The following KHDRBS2 variants were observed in gnomAD, a reference collection of about 807,000 sequenced individuals.
The protein encoded by KHDRBS2 is KH RNA binding domain containing, signal transduction associated 2.
In KHDRBS2, 26 loss-of-function variants were observed where a neutral mutation model predicts 44.3. The observed-to-expected ratio is 0.59, with a 90% CI of 0.43 to 0.81. The LOEUF (loss-of-function observed/expected upper bound fraction) is 0.81. Among genes scored for constraint, KHDRBS2 ranks in the 40% least tolerant of loss-of-function variants. The pLI is 0.00. For synonymous variants in KHDRBS2, 194 were observed against 151.1 expected, an observed-to-expected ratio of 1.28 and a Z score of -2.08; for missense variants, 476 against 433.1, an observed-to-expected ratio of 1.10 and a Z score of -0.88.
chr6:61,942,189 C>T (rs896132257), intron 4 of KHDRBS2, among the ~76,000 whole-genome samples: 1 of 151,978 alleles, frequency 6.6e-6, no homozygotes, highest in African/African-American at 2.4e-5. Flanking sequence ...GAACTCTTGG[C>T]CTCAAGTGAT....
chr6:62,037,963 G>A (rs963366159), intron 3 of KHDRBS2, among the ~76,000 whole-genome samples: 1 of 151,956 alleles, frequency 6.6e-6, no homozygotes, highest in African/African-American at 2.4e-5. Flanking sequence ...GGGTGTTAGT[G>A]ATTTCTAATA....
chr6:62,262,321 G>GC (rs893705921), intron 1 of KHDRBS2, among the ~76,000 whole-genome samples: 94 of 151,846 alleles, frequency 6.2e-4, no homozygotes, highest in African/African-American at 2.2e-3. Flanking sequence ...CAGGAATCGT[G>GC]CATTTCCAGC....
the KHDRBS2 span, among the ~76,000 whole-genome samples, chr6:61,545,181 C>T: frequency 1.3e-5 from 2 of 151,956 alleles, no homozygotes; most frequent in Non-Finnish European, 1.5e-5. Flanking sequence ...CATGGTGGTT[C>T]ATGCCTGTAA....
chr6:62,272,492 A>G lies in KHDRBS2; in HGVS notation c.91+13366T>C, dbSNP rs139456459. ...CCTCAGTAAGAGAAATGCTCACATT[A>G]CAAGAATCAGTAAGGATCCAACAGC... is the stretch of plus-strand genomic sequence containing the variant. On this transcript the variant is annotated intron_variant, in intron 1 of 8. Coordinates refer to ENST00000281156, the MANE Select transcript of KHDRBS2 (RefSeq NM_152688.4). Among the ~76,000 whole-genome samples the G allele has an allele frequency of 3.0e-3, 462 of 152,330 alleles. 3 individuals carry two copies. Among genetic ancestry groups the G allele is most frequent in the Non-Finnish European group, 4.7e-3 (320 of 68,020 alleles).
At chr6:61,656,876 C>A in the KHDRBS2 span, among the ~76,000 whole-genome samples, 5 of 151,916 alleles carry the variant, frequency 3.3e-5, no homozygotes, top group Non-Finnish European at 7.4e-5. Flanking sequence ...TGTTTTATGC[C>A]ACCCAATATG....
chr6:61,608,777 T>C, the KHDRBS2 span, among the ~76,000 whole-genome samples: 6 of 152,322 alleles, frequency 3.9e-5, no homozygotes, highest in South Asian at 8.3e-4. Flanking sequence ...CTCATCCTTA[T>C]TTATGGCTGC....
At chr6:62,076,949 G>A (rs970427242) in intron 2 of KHDRBS2, among the ~76,000 whole-genome samples, 2 of 151,856 alleles carry the variant, frequency 1.3e-5, no homozygotes, top group African/African-American at 2.4e-5. Flanking sequence ...AGGAGGCTGC[G>A]GTGGGAGAAT....
chr6:61,652,995 A>G, the KHDRBS2 span, among the ~76,000 whole-genome samples: 1 of 152,106 alleles, frequency 6.6e-6, no homozygotes, highest in Non-Finnish European at 1.5e-5. Flanking sequence ...GAGGCAATGG[A>G]CCAAAATGTG....
chr6:61,646,355 C>T, the KHDRBS2 span, among the ~76,000 whole-genome samples: 1 of 152,206 alleles, frequency 6.6e-6, no homozygotes, highest in African/African-American at 2.4e-5. Context: ...GATCCCTTGG[C>T]TCCCAGATCC....
At chr6:61,874,978 A>T (rs907712313) in intron 6 of KHDRBS2, among the ~76,000 whole-genome samples, 1 of 152,134 alleles carries the variant, frequency 6.6e-6, no homozygotes, top group Non-Finnish European at 1.5e-5. Flanking sequence ...GAGAATAAAC[A>T]CTAGCATGTC....
chr6:62,020,559 G>A (rs1204170769), intron 3 of KHDRBS2, among the ~76,000 whole-genome samples: 3 of 142,608 alleles, frequency 2.1e-5, no homozygotes, highest in Non-Finnish European at 1.5e-5. Context: ...AGCTATAACT[G>A]TGGATATGTC....
intron 1 of KHDRBS2, among the ~76,000 whole-genome samples, chr6:62,229,791 C>T (rs764969427): frequency 2.7e-4 from 41 of 152,286 alleles, no homozygotes; most frequent in Non-Finnish European, 3.8e-4. Context: ...CCATACCACA[C>T]TGCTCTTCCT....
chr6:61,598,666 T>C, the KHDRBS2 span, among the ~76,000 whole-genome samples: 2 of 152,148 alleles, frequency 1.3e-5, no homozygotes, highest in South Asian at 4.1e-4. Flanking sequence ...TAAACGTTTC[T>C]TTCCTGACCC....
At chr6:61,975,483 G>T (rs1403895671) in intron 4 of KHDRBS2, among the ~76,000 whole-genome samples, 1 of 152,008 alleles carries the variant, frequency 6.6e-6, no homozygotes, top group South Asian at 2.1e-4. Flanking sequence ...GTTCATTTTT[G>T]CCCCTTGCGG....
chr6:61,767,575 T>C (rs1328689583), intron 6 of KHDRBS2, among the ~76,000 whole-genome samples: 4 of 152,074 alleles, frequency 2.6e-5, no homozygotes, highest in Non-Finnish European at 5.9e-5. Flanking sequence ...CCTTTGTTTT[T>C]GTGAAGGTGA....
At chr6:61,874,342 A>G (rs1380131154) in intron 6 of KHDRBS2, among the ~76,000 whole-genome samples, 1 of 152,198 alleles carries the variant, frequency 6.6e-6, no homozygotes, top group African/African-American at 2.4e-5. Context: ...ATTTGTCAAC[A>G]TAGTATAAGA....
the KHDRBS2 span, among the ~76,000 whole-genome samples, chr6:61,568,682 T>C: frequency 2.6e-5 from 4 of 152,168 alleles, no homozygotes; most frequent in Admixed American, 2.6e-4. Context: ...GTACCTTACC[T>C]AGATCTTACA....
At chr6:61,561,238 C>G in the KHDRBS2 span, among the ~76,000 whole-genome samples, 99 of 152,208 alleles carry the variant, frequency 6.5e-4, 1 homozygote, top group East Asian at 0.017. Flanking sequence ...TGTCTCTCTC[C>G]TGAGCTGCCT....
Position 61,719,884 on chromosome 6 carries a change from C to T in KHDRBS2, c.893+12798G>A, listed in dbSNP as rs576085965. ...TGTTGGTGTGCTGCACCCACTAACT[C>T]GTCATCTAGCATTAGGTACATCTCC... On this transcript the variant is annotated intron_variant, in intron 7 of 8. Transcript: ENST00000281156. Among the ~76,000 whole-genome samples, 8 of 152,130 alleles carry T rather than the reference C, an allele frequency of 5.3e-5. No homozygotes were observed. In the East Asian group the frequency reaches 9.7e-4, roughly 18 times the overall value.
Sources: gnomAD v4.1 joint callset for allele counts (sites outside exome capture counted in the v4.1 genomes callset) on GRCh38, gnomAD v4.1.1 for gene constraint, MANE v1.5 for transcripts, NCBI Gene and HGNC (gene_info 2026-07-23, HGNC 2026-07-21) for gene names.